Variants in ALMS1 observed in about 807,000 individuals in gnomAD.
ALMS1 encodes the protein ALMS1 centrosome and basal body associated protein, also known as centrosome-associated protein ALMS1.
ALMS1 carries 271 observed loss-of-function variants against 352.2 expected under a neutral mutation model. The ratio of observed to expected loss-of-function variants is 0.77; its 90% CI spans 0.70 to 0.85. ALMS1 has a LOEUF of 0.85. Among genes scored for constraint, ALMS1 ranks in the 40% least tolerant of loss-of-function variants. The pLI, the probability that ALMS1 is intolerant of heterozygous loss-of-function variation, is 0.00. For missense variants in ALMS1, 5,445 were observed against 4,870.7 expected, an observed-to-expected ratio of 1.12 and a Z score of -3.51; for synonymous variants, 1,865 against 1,761.2, an observed-to-expected ratio of 1.06 and a Z score of -1.48.
intron 17 of ALMS1, among the ~76,000 whole-genome samples, chr2:73,600,045 T>C (rs1675640531): frequency 6.6e-6 from 1 of 152,198 alleles, no homozygotes; most frequent in Admixed American, 6.5e-5. Flanking sequence ...CATGGAAAGA[T>C]TTCCAAGGCA....
chr2:73,464,996 A>G (rs1339640948), intron 9 of ALMS1, among the ~76,000 whole-genome samples: 1 of 149,654 alleles, frequency 6.7e-6, no homozygotes, highest in East Asian at 1.9e-4. Flanking sequence ...GGAAGAATCA[A>G]TATCGTGAAA....
rs369008610 is a variant in ALMS1 at position 73,600,714 on chromosome 2, C to G, written c.11705C>G (p.Thr3902Ser). 6.8e-6 allele frequency: 11 copies of G among 1,613,976 alleles called. No individual in the cohort carries two copies. The highest frequency in any genetic ancestry group is 9.3e-6 in the Non-Finnish European group (11 of 1,179,994). The change falls in exon 18 of 23, where the codon ACT becomes AGT. Residue 3902 changes from threonine (T) to serine (S), a missense_variant. Thr to Ser is a moderately conservative substitution (Grantham distance 58, BLOSUM62 1). Transcript: ENST00000613296. ...LEIVNGAKKHTRDVGITFPTP... is the reference protein window; with the variant it reads ...LEIVNGAKKHSRDVGITFPTP... ...ATTGTGAACGGTGCCAAAAAACACACTCGAGATGTTGGGATAACTTTCCCA... is the reference window on the plus strand; with the variant it reads ...ATTGTGAACGGTGCCAAAAAACACAGTCGAGATGTTGGGATAACTTTCCCA...
intron 11 of ALMS1, among the ~76,000 whole-genome samples, chr2:73,523,649 C>T (rs1673729739): frequency 6.6e-6 from 1 of 152,110 alleles, no homozygotes; most frequent in Middle Eastern, 3.2e-3. Context: ...TGCCTGTAAT[C>T]CCAGCTACTC....
intron 9 of ALMS1, among the ~76,000 whole-genome samples, chr2:73,459,976 A>G (rs1435664744): frequency 4.6e-5 from 7 of 152,072 alleles, no homozygotes; most frequent in Non-Finnish European, 7.4e-5. Context: ...TATTACTTTT[A>G]TTATAAAATG....
chr2:73,434,885 C>T (rs1671577552), intron 7 of ALMS1, among the ~76,000 whole-genome samples: 1 of 152,154 alleles, frequency 6.6e-6, no homozygotes, highest in Non-Finnish European at 1.5e-5. Context: ...CAACCTCTAC[C>T]TTCTGGGTTC....
chr2:73,510,948 C>T (rs1163709292), intron 10 of ALMS1, among the ~76,000 whole-genome samples: 2 of 152,166 alleles, frequency 1.3e-5, no homozygotes, highest in Admixed American at 6.5e-5. Context: ...GTCTGGGCTT[C>T]ACCCAGTTGG....
intron 1 of ALMS1, among the ~76,000 whole-genome samples, chr2:73,402,226 C>T (rs954440612): frequency 3.4e-5 from 5 of 147,324 alleles, no homozygotes; most frequent in African/African-American, 1.2e-4. Context: ...CTAGGTCATA[C>T]AAGAAAAGTA....
chr2:73,407,987 C>G lies in ALMS1; in HGVS notation c.325-635C>G, dbSNP rs563345566. On this transcript the variant is annotated intron_variant, in intron 1 of 22. Transcript: ENST00000613296. ...TTGTGTGCATTCTTCTCTACCTGCT[C>G]TTTTTGTGGTTGTTTCTGCTTTGTC... Among the ~76,000 whole-genome samples the G allele has an allele frequency of 3.3e-5, 5 of 151,952 alleles. No individual in the cohort carries two copies. The South Asian group carries it at 8.3e-4, about 25-fold the overall frequency.
chr2:73,566,158 GT>G (rs1348831388), intron 15 of ALMS1, among the ~76,000 whole-genome samples: 1 of 152,172 alleles, frequency 6.6e-6, no homozygotes, highest in Non-Finnish European at 1.5e-5. Flanking sequence ...AAAATTAAAA[GT>G]TTATTTTAAA....
At chr2:73,521,628 T>C (rs907095677) in intron 11 of ALMS1, among the ~76,000 whole-genome samples, 1 of 148,072 alleles carries the variant, frequency 6.8e-6, no homozygotes, top group Non-Finnish European at 1.5e-5. Context: ...CGGGTGCCTG[T>C]AGTCCCAGCT....
intron 1 of ALMS1, among the ~76,000 whole-genome samples, chr2:73,394,774 A>G (rs1232153298): frequency 6.6e-6 from 1 of 152,100 alleles, no homozygotes; most frequent in Non-Finnish European, 1.5e-5. Context: ...CATATAGTGT[A>G]CGTACACAAA....
Position 73,520,057 on chromosome 2 carries a change from C to T in ALMS1, c.9781+41C>T, listed in dbSNP as rs199848724. ...TGCATTTTAGATTGTTAGACCAGCT[C>T]TTTTGTGTAGTTATCTTAGAAATTT... On this transcript the variant is annotated intron_variant, in intron 11 of 22. Transcript: ENST00000613296. 2.4e-5 allele frequency: 38 copies of T among 1,613,064 alleles called. No homozygotes were observed. In the African/African-American group the frequency reaches 3.9e-4, roughly 16 times the overall value.
chr2:73,519,381 C>G (rs1010016423), intron 10 of ALMS1, among the ~76,000 whole-genome samples: 12 of 152,168 alleles, frequency 7.9e-5, no homozygotes, highest in Admixed American at 2.0e-4. Context: ...TCCTAGTTCT[C>G]CCAGAACTCC....
intron 9 of ALMS1, chr2:73,462,854 C>A (rs1184082551): frequency 6.6e-6 from 1 of 151,922 alleles, no homozygotes; most frequent in African/African-American, 2.4e-5. Context: ...TCAAAAGAGA[C>A]AAAGAAGGCC....
intron 20 of ALMS1, 62 bp from the exon 21 acceptor site, chr2:73,603,179 C>T: frequency 6.5e-7 from 1 of 1,544,742 alleles, no homozygotes; most frequent in Non-Finnish European, 8.9e-7. Flanking sequence ...TCTCCCAGCT[C>T]TTGCACCACA....
intron 12 of ALMS1, among the ~76,000 whole-genome samples, chr2:73,548,498 A>C (rs1230801860): frequency 6.6e-6 from 1 of 151,960 alleles, no homozygotes; most frequent in South Asian, 2.1e-4. Flanking sequence ...TCCTCACCTG[A>C]CTCTGAACTT....
chr2:73,445,085 A>T lies in ALMS1; in HGVS notation c.1433-2875A>T, dbSNP rs563811456. Among the ~76,000 whole-genome samples, 173 of 151,618 alleles carry T rather than the reference A, an allele frequency of 1.1e-3. 2 individuals carry two copies. Among genetic ancestry groups the T allele is most frequent in the Middle Eastern group, 6.8e-3 (2 of 292 alleles). ...AATAGGTGCTTTTGCCAGACTTTTT[A>T]AAAAAAAATCTTTTTTATTTTTAAT... On this transcript the variant is annotated intron_variant, in intron 7 of 22. Coordinates refer to ENST00000613296, the MANE Select transcript of ALMS1 (RefSeq NM_001378454.1).
At chr2:73,549,986 A>G (rs1284563071) in intron 12 of ALMS1, among the ~76,000 whole-genome samples, 1 of 152,054 alleles carries the variant, frequency 6.6e-6, no homozygotes, top group African/African-American at 2.4e-5. Flanking sequence ...CAGCCTCCCA[A>G]GTAGCTGGGA....
chr2:73,539,398 A>T (rs1253039371), intron 12 of ALMS1, among the ~76,000 whole-genome samples: 1 of 152,186 alleles, frequency 6.6e-6, no homozygotes, highest in African/African-American at 2.4e-5. Context: ...CAAAGACCAA[A>T]GGTAGATAAA....
Sources: gnomAD v4.1 joint callset for allele counts (sites outside exome capture counted in the v4.1 genomes callset) on GRCh38, gnomAD v4.1.1 for gene constraint, MANE v1.5 for transcripts, NCBI Gene and HGNC (gene_info 2026-07-23, HGNC 2026-07-21) for gene names.